Variants in SYDE1 observed in about 807,000 individuals in gnomAD.
SYDE1 encodes synapse defective Rho GTPase activating protein 1.
In SYDE1, 34 loss-of-function variants were observed where a neutral mutation model predicts 63.3. That is an observed-to-expected ratio of 0.54 (90% confidence interval 0.41 to 0.71). SYDE1 has a LOEUF of 0.71. Among genes scored for constraint, SYDE1 ranks in the 30% least tolerant of loss-of-function variants. The pLI, the probability that SYDE1 is intolerant of heterozygous loss-of-function variation, is 0.00. For synonymous variants in SYDE1, 467 were observed against 473.4 expected (o/e 0.99, Z 0.18); for missense variants, 925 against 1,042.5 (o/e 0.89, Z 1.55).
chr19:15,107,490 TC>T lies in SYDE1; in HGVS notation c.61del (p.Arg21GlyfsTer76), dbSNP rs1262943819. 2 of 1,544,818 alleles carry T rather than the reference TC, an allele frequency of 1.3e-6. No homozygotes were observed. The highest frequency in any genetic ancestry group is 1.7e-6 in the Non-Finnish European group (2 of 1,143,172). On this transcript the variant is annotated frameshift_variant, in exon 1 of 8. Coordinates refer to ENST00000342784, the MANE Select transcript of SYDE1 (RefSeq NM_033025.6). LOFTEE classifies it high-confidence loss of function. ...FSRLRGREKL[P>X]RKKSDAKERG... Reference sequence around the variant, plus strand: ...CCCGCCTGCGGGGCCGGGAGAAACTTCCCCGGAAAAAGTCGGACGCCAAGGA... The same window carrying T: ...CCCGCCTGCGGGGCCGGGAGAAACTTCCCGGAAAAAGTCGGACGCCAAGGA...
chr19:15,108,876 AAC>A lies in SYDE1; in HGVS notation c.89-179_89-178del. On this transcript the variant is annotated intron_variant, in intron 1 of 7. Coordinates refer to ENST00000342784, the MANE Select transcript of SYDE1 (RefSeq NM_033025.6). The surrounding 1 kb of genome is among the most constrained non-coding windows in gnomAD (Gnocchi z 4.3). ...TGAGTAGGGGGTGCTCTAAGCTGATAACTGAGATCGCTAGCCTGTGGCTGCCT... is the reference window on the plus strand; with the variant it reads ...TGAGTAGGGGGTGCTCTAAGCTGATATGAGATCGCTAGCCTGTGGCTGCCT... The A allele has an allele frequency of 1.0e-6, 1 of 991,344 alleles. No homozygotes were observed. Among genetic ancestry groups the A allele is most frequent in the Non-Finnish European group, 1.4e-6 (1 of 720,354 alleles). 61.4% of individuals were successfully genotyped at this position (991,344 alleles called of 1,614,324 possible).
chr19:15,112,034 C>T (rs2046348804), intron 6 of SYDE1, among the ~76,000 whole-genome samples: 1 of 152,172 alleles, frequency 6.6e-6, no homozygotes, highest in African/African-American at 2.4e-5. Context: ...ATCTTTCAAC[C>T]TACAAGGGAG....
At position 15,114,050 on chromosome 19, in the gene SYDE1, C is replaced by G. The variant is rs2046366473; in HGVS notation, c.*87C>G. The G allele has an allele frequency of 5.0e-6, 7 of 1,386,562 alleles. No homozygotes were observed. Among genetic ancestry groups the G allele is most frequent in the Non-Finnish European group, 6.9e-6 (7 of 1,016,596 alleles). The allele number at this position is 1,386,562 out of a possible 1,614,324, so 85.9% of individuals were successfully genotyped here. ...CCCTGGTGACCAAGGAGAGCCAGAC[C>G]TGTTGCTCAGGCCGAGCTCCTGGTT... On this transcript the variant is annotated 3_prime_UTR_variant, in exon 8 of 8. Transcript: ENST00000342784.
Position 15,109,652 on chromosome 19 carries a change from C to G in SYDE1, c.431-52C>G. On this transcript the variant is annotated intron_variant, in intron 2 of 7. Coordinates refer to ENST00000342784, the MANE Select transcript of SYDE1 (RefSeq NM_033025.6). The surrounding 1 kb of genome is among the most constrained non-coding windows in gnomAD (Gnocchi z 5.0). ...CCCTTCAGGGGAGCACCAGCCTCAC[C>G]CCCCTCCCCTAAGCCCAGGTTCCTG... 1 of 1,135,936 alleles carries G rather than the reference C, an allele frequency of 8.8e-7. No homozygotes were observed. Among genetic ancestry groups the G allele is most frequent in the East Asian group, 2.7e-5 (1 of 37,590 alleles). 70.4% of individuals were successfully genotyped at this position (1,135,936 alleles called of 1,614,324 possible).
rs1326018683 is a variant in SYDE1, at chr19:15,114,581, T to TTG, written c.*618_*619insTG. 2 of 151,530 alleles carry TTG rather than the reference T, an allele frequency of 1.3e-5. No individual in the cohort carries two copies. Among genetic ancestry groups the TTG allele is most frequent in the Non-Finnish European group, 2.9e-5 (2 of 69,298 alleles). 9.4% of individuals were successfully genotyped at this position (151,530 alleles called of 1,614,324 possible). A position where few individuals can be genotyped will look rare whatever the true frequency, so the allele number is the denominator to read the frequency against. On this transcript the variant is annotated 3_prime_UTR_variant, in exon 8 of 8. Transcript: ENST00000342784. ...TTGGCCTCTAGTCAGCAAATGGAGA[T>TTG]AACAGAGTCTGGCCTTTCCAATCCC...
chr19:15,108,732 A>G lies in SYDE1; in HGVS notation c.89-324A>G, dbSNP rs978321455. The G allele has an allele frequency of 7.4e-6, 2 of 270,736 alleles. No homozygotes were observed. The highest frequency in any genetic ancestry group is 5.1e-5 in the Admixed American group (1 of 19,666). The allele number at this position is 270,736 out of a possible 1,614,324, so 16.8% of individuals were successfully genotyped here. ...CCACGCAGGTGCAAAGCTCCATGCC[A>G]CGGTTATTGAGAGGGTAGAGGAAGT... On this transcript the variant is annotated intron_variant, in intron 1 of 7. Transcript: ENST00000342784. This position sits in a 1 kb window ranked among gnomAD's most constrained non-coding sequence, Gnocchi z 4.3.
Position 15,109,084 on chromosome 19 carries a change from C to G in SYDE1, c.117C>G (p.Ser39Arg). 6.6e-7 allele frequency: 1 copy of G among 1,522,372 alleles called. No homozygotes were observed. Among genetic ancestry groups the G allele is most frequent in the South Asian group, 1.2e-5 (1 of 80,198 alleles). 94.3% of individuals were successfully genotyped at this position (1,522,372 alleles called of 1,614,324 possible). Reference sequence around the variant, plus strand: ...ACCCAGCCCAGCGCCCAGAGCCCAGCCCTCCAGAGCCAGAGCCCCAGGCTC... The same window carrying G: ...ACCCAGCCCAGCGCCCAGAGCCCAGGCCTCCAGAGCCAGAGCCCCAGGCTC... ...RGHPAQRPEP[S>R]PPEPEPQAPE... Residue 39 changes from serine (S) to arginine (R), a missense_variant, in exon 2 of 8, where the codon AGC becomes AGG. Ser to Arg is a moderately radical substitution (Grantham distance 110). This residue lies in a region of SYDE1 where 599 missense variants were observed against 653.7 expected (regional missense o/e 0.92). Transcript: ENST00000342784. This position sits in a 1 kb window ranked among gnomAD's most constrained non-coding sequence, Gnocchi z 5.0.
intron 1 of SYDE1, among the ~76,000 whole-genome samples, 174 bp downstream of exon 1, chr19:15,107,695 G>A (rs1301150432): frequency 6.6e-6 from 1 of 151,516 alleles, no homozygotes; most frequent in Non-Finnish European, 1.5e-5. Context: ...GGAAGGGGCT[G>A]GGAGGGAGGG....
Position 15,110,796 on chromosome 19 carries a change from C to T in SYDE1, c.1290+61C>T. 1 of 1,372,218 alleles carries T rather than the reference C, an allele frequency of 7.3e-7. No homozygotes were observed. The highest frequency in any genetic ancestry group is 1.4e-5 in the African/African-American group (1 of 69,890). 85.0% of individuals were successfully genotyped at this position (1,372,218 alleles called of 1,614,324 possible). On this transcript the variant is annotated intron_variant, in intron 4 of 7. Transcript: ENST00000342784. The surrounding 1 kb of genome is among the most constrained non-coding windows in gnomAD (Gnocchi z 6.9). ...AGACCTCAGACCACTCTTCAGGACA[C>T]CCTATGTACAGATGCCAGACCCCTA...
rs80106430 is a variant in SYDE1 at position 15,113,561 on chromosome 19, T to A, written c.1806T>A (p.Asp602Glu). 2.2e-5 allele frequency: 34 copies of A among 1,545,270 alleles called. No homozygotes were observed. The East Asian group carries it at 7.5e-4, about 34-fold the overall frequency. Residue 602 changes from aspartate (D) to glutamate (E), a missense_variant and splice_region_variant, in exon 8 of 8, where the codon GAT (aspartate) becomes GAA (glutamate). Asp to Glu is a conservative substitution (Grantham distance 45). Transcript: ENST00000342784. The stretch of plus-strand genomic sequence containing the variant: ...ATGACCTACCCTGTCTCCCTTCAGA[T>A]CCCCGCCTGCCCCGACAATCTCCAG... ...VLHYLLQSWP[D>E]PRLPRQSPDV...
At position 15,110,674 on chromosome 19, in the gene SYDE1, C is replaced by T. The variant is rs1007408182; in HGVS notation, c.1229C>T (p.Pro410Leu). The change falls in exon 4 of 8, where the codon CCC becomes CTC. Residue 410 changes from proline (P) to leucine (L), a missense_variant. Pro to Leu is a moderately conservative substitution (Grantham distance 98, BLOSUM62 -3). This residue lies in a region of SYDE1 where 599 missense variants were observed against 653.7 expected (regional missense o/e 0.92). Transcript: ENST00000342784. The surrounding 1 kb of genome is among the most constrained non-coding windows in gnomAD (Gnocchi z 6.9). Reference protein sequence around the residue: ...LPLLVERERPPGQVPLIIQKC... With the variant: ...LPLLVERERPLGQVPLIIQKC... Reference sequence around the variant, plus strand: ...CTGCTGGTGGAGCGGGAGCGGCCCCCCGGCCAGGTGCCCCTCATCATCCAG... The same window carrying T: ...CTGCTGGTGGAGCGGGAGCGGCCCCTCGGCCAGGTGCCCCTCATCATCCAG... The T allele has an allele frequency of 2.9e-5, 46 of 1,583,278 alleles. No individual in the cohort carries two copies. The highest frequency in any genetic ancestry group is 3.8e-5 in the Non-Finnish European group (44 of 1,166,926).
In SYDE1 at chr19:15,108,821, G is replaced by A; in HGVS notation, c.89-235G>A. Reference sequence around the variant, plus strand: ...TGACTTAGAACCCTGAGGCTGCAGGGATGGAGTCCCCTTTTGGGATGCCAG... The same window carrying A: ...TGACTTAGAACCCTGAGGCTGCAGGAATGGAGTCCCCTTTTGGGATGCCAG... On this transcript the variant is annotated intron_variant, in intron 1 of 7. Coordinates refer to ENST00000342784, the MANE Select transcript of SYDE1 (RefSeq NM_033025.6). The surrounding 1 kb of genome is among the most constrained non-coding windows in gnomAD (Gnocchi z 4.3). The A allele has an allele frequency of 4.0e-6, 2 of 504,534 alleles. No homozygotes were observed. Among genetic ancestry groups the A allele is most frequent in the Non-Finnish European group, 6.4e-6 (2 of 311,466 alleles). The allele number at this position is 504,534 out of a possible 1,614,324, so 31.3% of individuals were successfully genotyped here.
Position 15,109,302 on chromosome 19 carries a change from A to G in SYDE1, c.335A>G (p.Tyr112Cys), listed in dbSNP as rs755589247. Residue 112 changes from tyrosine to cysteine, a missense_variant, in exon 2 of 8, where the codon TAC (tyrosine) becomes TGC (cysteine). Transcript: ENST00000342784. The surrounding 1 kb of genome is among the most constrained non-coding windows in gnomAD (Gnocchi z 5.0). Reference protein sequence around the residue: ...GTGEPAGEIWYNPIPEEDPRP... With the variant: ...GTGEPAGEIWCNPIPEEDPRP... ...GGGGAGCCCGCCGGCGAGATCTGGT[A>G]CAACCCCATCCCTGAGGAAGACCCC... The G allele has an allele frequency of 6.2e-7, 1 of 1,613,646 alleles. No individual in the cohort carries two copies. The highest frequency in any genetic ancestry group is 8.5e-7 in the Non-Finnish European group (1 of 1,179,758).
In SYDE1 at chr19:15,110,099, G is replaced by T; in HGVS notation, c.826G>T (p.Gly276Trp). The T allele has an allele frequency of 7.0e-7, 1 of 1,426,838 alleles. No homozygotes were observed. 88.4% of individuals were successfully genotyped at this position (1,426,838 alleles called of 1,614,324 possible). Residue 276 changes from glycine (G) to tryptophan (W), a missense_variant, in exon 3 of 8, where the codon GGG becomes TGG. Gly to Trp is a radical substitution (Grantham distance 184). Around this residue, in one of 3 missense-constraint regions of SYDE1, gnomAD observed 599 missense variants for 653.7 expected, o/e 0.92. Transcript: ENST00000342784. The surrounding 1 kb of genome is among the most constrained non-coding windows in gnomAD (Gnocchi z 6.9). ...GRLSLHLYGL[G>W]GLRPAPGATP... ...CCTCAGCCTGCACCTGTACGGTCTC[G>T]GGGGGCTGCGGCCAGCGCCGGGGGC...
rs2046327345 is a variant in SYDE1 at position 15,109,420 on chromosome 19, C to T, written c.430+23C>T. On this transcript the variant is annotated intron_variant, in intron 2 of 7. Transcript: ENST00000342784. The surrounding 1 kb of genome is among the most constrained non-coding windows in gnomAD (Gnocchi z 5.0). ...AAGGTAAGAACAAGCTTCCCATCCC[C>T]TTCCCCAAGGTGAGCACCAGCTCCA... is the stretch of plus-strand genomic sequence containing the variant. The T allele has an allele frequency of 1.3e-6, 2 of 1,517,722 alleles. No individual in the cohort carries two copies. Among genetic ancestry groups the T allele is most frequent in the Non-Finnish European group, 1.8e-6 (2 of 1,134,768 alleles). The allele number at this position is 1,517,722 out of a possible 1,614,324, so 94.0% of individuals were successfully genotyped here.
chr19:15,109,844 C>T lies in SYDE1; in HGVS notation c.571C>T (p.Arg191Cys), dbSNP rs1396610997. 1 of 1,531,592 alleles carries T rather than the reference C, an allele frequency of 6.5e-7. No homozygotes were observed. The highest frequency in any genetic ancestry group is 2.5e-5 in the East Asian group (1 of 40,644). The allele number at this position is 1,531,592 out of a possible 1,614,324, so 94.9% of individuals were successfully genotyped here. The change falls in exon 3 of 8, where the codon CGC becomes TGC. Residue 191 changes from arginine (R) to cysteine (C), a missense_variant. Around this residue, in one of 3 missense-constraint regions of SYDE1, gnomAD observed 599 missense variants for 653.7 expected, o/e 0.92. Transcript: ENST00000342784. The surrounding 1 kb of genome is among the most constrained non-coding windows in gnomAD (Gnocchi z 5.0). ...GCGAGGCCCCCGGGCTGGCAGGGAGCGCGAGAGGGCTGCCCCTGCGGGCTC... is the reference window on the plus strand; with the variant it reads ...GCGAGGCCCCCGGGCTGGCAGGGAGTGCGAGAGGGCTGCCCCTGCGGGCTC... ...SLRGPRAGRE[R>C]ERAAPAGSVI...
Position 15,113,970 on chromosome 19 carries a change from T to C in SYDE1, c.*7T>C. On this transcript the variant is annotated 3_prime_UTR_variant, in exon 8 of 8. Coordinates refer to ENST00000342784, the MANE Select transcript of SYDE1 (RefSeq NM_033025.6). ...AATCAACGTGTGCCTCTGAGCCAGATGACGGGGTGGGACCCCGGTTAGTAA... is the reference window on the plus strand; with the variant it reads ...AATCAACGTGTGCCTCTGAGCCAGACGACGGGGTGGGACCCCGGTTAGTAA... 1 of 1,607,082 alleles carries C rather than the reference T, an allele frequency of 6.2e-7. No homozygotes were observed. The highest frequency in any genetic ancestry group is 1.1e-5 in the South Asian group (1 of 90,742).
chr19:15,110,607 C>T lies in SYDE1; in HGVS notation c.1162C>T (p.Pro388Ser), dbSNP rs747325420. Residue 388 changes from proline (P) to serine (S), a missense_variant, in exon 4 of 8, where the codon CCT becomes TCT. Physicochemically the swap from Pro to Ser is moderately conservative, Grantham distance 74. Coordinates refer to ENST00000342784, the MANE Select transcript of SYDE1 (RefSeq NM_033025.6). This position sits in a 1 kb window ranked among gnomAD's most constrained non-coding sequence, Gnocchi z 6.9. Reference protein sequence around the residue: ...KLTLSEQQEAPATAEPRVFGL... With the variant: ...KLTLSEQQEASATAEPRVFGL... Reference sequence around the variant, plus strand: ...GACCCTGTCGGAGCAGCAGGAAGCCCCTGCCACAGCTGAGCCCCGCGTCTT... The same window carrying T: ...GACCCTGTCGGAGCAGCAGGAAGCCTCTGCCACAGCTGAGCCCCGCGTCTT... The T allele has an allele frequency of 7.5e-6, 12 of 1,596,292 alleles. No individual in the cohort carries two copies. In the South Asian group the frequency reaches 1.4e-4, roughly 18 times the overall value.
At position 15,114,024 on chromosome 19, in the gene SYDE1, G is replaced by T; in HGVS notation, c.*61G>T. Reference sequence around the variant, plus strand: ...CCGGGCGCCCAGTGGCTAAGGCGGTGCCCTGGTGACCAAGGAGAGCCAGAC... The same window carrying T: ...CCGGGCGCCCAGTGGCTAAGGCGGTTCCCTGGTGACCAAGGAGAGCCAGAC... On this transcript the variant is annotated 3_prime_UTR_variant, in exon 8 of 8. Transcript: ENST00000342784. 6.6e-7 allele frequency: 1 copy of T among 1,521,022 alleles called. No individual in the cohort carries two copies. Among genetic ancestry groups the T allele is most frequent in the Non-Finnish European group, 8.9e-7 (1 of 1,125,230 alleles). 94.2% of individuals were successfully genotyped at this position (1,521,022 alleles called of 1,614,324 possible). A position where few individuals can be genotyped will look rare whatever the true frequency, so the allele number is the denominator to read the frequency against.
Sources: gnomAD v4.1 joint callset for allele counts (sites outside exome capture counted in the v4.1 genomes callset) on GRCh38, gnomAD v4.1.1 for gene constraint, gnomAD v4.1.1 regional missense constraint, Gnocchi (gnomAD v3.1) non-coding constraint, MANE v1.5 for transcripts, NCBI Gene and HGNC (gene_info 2026-07-23, HGNC 2026-07-21) for gene names.